The following SERGEF variants were observed in gnomAD, a reference collection of about 807,000 sequenced individuals.
SERGEF encodes the protein secretion-regulating guanine nucleotide exchange factor.
A neutral mutation model predicts 50.0 loss-of-function variants in SERGEF; 51 were observed. The observed-to-expected ratio is 1.02, with a 90% CI of 0.81 to 1.29. The LOEUF is 1.29. SERGEF is among the 50% of genes most tolerant of loss of function. The pLI is 0.00. For synonymous variants in SERGEF, 205 were observed against 212.4 expected (o/e 0.97, Z 0.30); for missense variants, 521 against 557.0 (o/e 0.94, Z 0.65).
chr11:17,821,348 ACTGC>A (rs552312534), intron 10 of SERGEF, among the ~76,000 whole-genome samples: 90 of 152,328 alleles, frequency 5.9e-4, no homozygotes, highest in African/African-American at 2.0e-3. Flanking sequence ...GCTAATACAC[ACTGC>A]CTATCTCCTT....
chr11:17,982,174 C>T (rs1023102969), intron 8 of SERGEF, among the ~76,000 whole-genome samples: 4 of 152,122 alleles, frequency 2.6e-5, no homozygotes, highest in Admixed American at 1.3e-4. Flanking sequence ...CTAGTTAAGT[C>T]GTCCACACTT....
intron 10 of SERGEF, among the ~76,000 whole-genome samples, chr11:17,816,974 A>C (rs1469642548): frequency 6.6e-6 from 1 of 152,158 alleles, no homozygotes; most frequent in African/African-American, 2.4e-5. Flanking sequence ...GAAGAGTGCT[A>C]CTTGCCCTAG....
intron 10 of SERGEF, among the ~76,000 whole-genome samples, chr11:17,825,366 G>A (rs558794363): frequency 2.6e-5 from 4 of 152,252 alleles, no homozygotes; most frequent in Non-Finnish European, 4.4e-5. Flanking sequence ...TATACATGCC[G>A]AAATTGAGCA....
At chr11:17,788,872 C>T (rs1849432726) in intron 10 of SERGEF, among the ~76,000 whole-genome samples, 1 of 152,220 alleles carries the variant, frequency 6.6e-6, no homozygotes, top group Non-Finnish European at 1.5e-5. Flanking sequence ...CCCTGATCTT[C>T]AAAGAGCATC....
At position 17,988,733 on chromosome 11, in the gene SERGEF, C is replaced by T; in HGVS notation, c.708G>A (p.Trp236Ter). Residue 236 changes from tryptophan (W) to a stop codon, truncating the protein, a stop_gained, in exon 8 of 11, where the codon TGG becomes TGA. Coordinates refer to ENST00000265965, the MANE Select transcript of SERGEF (RefSeq NM_012139.4). LOFTEE classifies it high-confidence loss of function. Reference protein sequence around the residue: ...SLTDAGEVYVWGSNKHGQLAN... With the variant: ...SLTDAGEVYV ...CCAGTTGCCCATGCTTGTTGCTTCC[C>T]CAAACATACACCTCTCCTGCATCTT... The T allele has an allele frequency of 6.2e-7, 1 of 1,613,902 alleles. No homozygotes were observed. The highest frequency in any genetic ancestry group is 8.5e-7 in the Non-Finnish European group (1 of 1,179,926).
intron 10 of SERGEF, among the ~76,000 whole-genome samples, chr11:17,849,502 CT>C (rs1850674774): frequency 6.6e-6 from 1 of 150,508 alleles, no homozygotes; most frequent in South Asian, 2.1e-4. Flanking sequence ...ACCCTTGAGG[CT>C]AATGAAAAGA....
chr11:17,943,162 C>G (rs774361168), intron 9 of SERGEF, among the ~76,000 whole-genome samples: 3 of 152,082 alleles, frequency 2.0e-5, no homozygotes, highest in Admixed American at 1.3e-4. Context: ...TATTTCCTTA[C>G]TTAAATATCT....
intron 10 of SERGEF, among the ~76,000 whole-genome samples, chr11:17,805,949 G>A (rs2299629): frequency 0.037 from 5,666 of 152,288 alleles, 154 homozygotes; most frequent in South Asian, 0.073. Flanking sequence ...CAAAGGTAGG[G>A]AGGAATCCAT....
chr11:17,905,613 C>A (rs1452205316), intron 9 of SERGEF, among the ~76,000 whole-genome samples: 1 of 152,132 alleles, frequency 6.6e-6, no homozygotes, highest in Admixed American at 6.5e-5. Flanking sequence ...TAAGTGGAGA[C>A]CATTGGGTCT....
intron 10 of SERGEF, among the ~76,000 whole-genome samples, chr11:17,867,929 TA>T (rs1851063521): frequency 6.6e-6 from 1 of 152,162 alleles, no homozygotes; most frequent in Non-Finnish European, 1.5e-5. Context: ...ACCAAGTCCC[TA>T]GGCTGCATAC....
chr11:17,926,855 T>C, intron 9 of SERGEF: 1 of 456,198 alleles, frequency 2.2e-6, no homozygotes, highest in South Asian at 1.5e-5. Flanking sequence ...ATCTGGCATG[T>C]AATGGGCACA....
rs1849416259 is a variant in SERGEF, at chr11:17,788,063, C to T, written c.*22G>A. ...CTGGGAAGGCTTTTGGTGGGAAAAG[C>T]CACTTTATTAAAGATTCTCTATCAC... On this transcript the variant is annotated 3_prime_UTR_variant, in exon 11 of 11. Transcript: ENST00000265965. 1 of 1,498,160 alleles carries T rather than the reference C, an allele frequency of 6.7e-7. No homozygotes were observed. The highest frequency in any genetic ancestry group is 8.9e-7 in the Non-Finnish European group (1 of 1,119,784). The allele number at this position is 1,498,160 out of a possible 1,614,324, so 92.8% of individuals were successfully genotyped here.
At chr11:17,886,198 G>A (rs1851425070) in intron 9 of SERGEF, among the ~76,000 whole-genome samples, 1 of 152,064 alleles carries the variant, frequency 6.6e-6, no homozygotes, top group Admixed American at 6.6e-5. Flanking sequence ...GCTATCTACA[G>A]AATAAAATTC....
intron 9 of SERGEF, among the ~76,000 whole-genome samples, chr11:17,887,373 T>C (rs780468191): frequency 1.6e-4 from 24 of 152,340 alleles, no homozygotes; most frequent in East Asian, 3.9e-4. Context: ...AGTAAAGGCA[T>C]GCCACCAAGT....
chr11:17,818,082 C>T (rs2133841607), intron 10 of SERGEF, among the ~76,000 whole-genome samples: 1 of 152,290 alleles, frequency 6.6e-6, no homozygotes, highest in Non-Finnish European at 1.5e-5. Context: ...ACCACGTGTA[C>T]ACTTCTTTGT....
At chr11:17,899,576 A>C (rs566954241) in intron 9 of SERGEF, among the ~76,000 whole-genome samples, 5 of 152,222 alleles carry the variant, frequency 3.3e-5, no homozygotes, top group African/African-American at 1.2e-4. Flanking sequence ...AGCAGCAACA[A>C]CAGGAATATG....
chr11:17,806,651 T>C (rs1181565014), intron 10 of SERGEF, among the ~76,000 whole-genome samples: 2 of 152,174 alleles, frequency 1.3e-5, no homozygotes, highest in African/African-American at 2.4e-5. Flanking sequence ...ATTATTCTAA[T>C]GGGCACGAGA....
rs538379554 is a variant in SERGEF, at chr11:17,995,673, T to C, written c.622+123A>G. 2.1e-4 allele frequency: 144 copies of C among 673,120 alleles called. 2 individuals carry two copies. Among genetic ancestry groups the C allele is most frequent in the South Asian group, 2.1e-3 (112 of 52,526 alleles). The allele number at this position is 673,120 out of a possible 1,614,324, so 41.7% of individuals were successfully genotyped here. On this transcript the variant is annotated intron_variant, in intron 6 of 10. Coordinates refer to ENST00000265965, the MANE Select transcript of SERGEF (RefSeq NM_012139.4). Reference sequence around the variant, plus strand: ...CCAGCAAGACTAACAGACCAACTAATAGAGAAAGTTAGAGAGACCAAGAAA... The same window carrying C: ...CCAGCAAGACTAACAGACCAACTAACAGAGAAAGTTAGAGAGACCAAGAAA...
chr11:17,790,073 G>C (rs1849455723), intron 10 of SERGEF, among the ~76,000 whole-genome samples: 1 of 152,130 alleles, frequency 6.6e-6, no homozygotes, highest in Admixed American at 6.5e-5. Context: ...GAAAGACGCA[G>C]ATCTCCACCC....
Sources: gnomAD v4.1 joint callset for allele counts (sites outside exome capture counted in the v4.1 genomes callset) on GRCh38, gnomAD v4.1.1 for gene constraint, MANE v1.5 for transcripts, NCBI Gene and HGNC (gene_info 2026-07-23, HGNC 2026-07-21) for gene names.